Variants in WWC2 observed in about 807,000 individuals in gnomAD.
WWC2 encodes the protein WW and C2 domain containing 2.
Under a neutral mutation model 138.5 loss-of-function variants are expected in WWC2, and 101 were observed. The ratio of observed to expected loss-of-function variants is 0.73; its 90% CI spans 0.62 to 0.86. WWC2 has a LOEUF of 0.86. WWC2 is among the 40% of genes least tolerant of loss of function. The probability of loss-of-function intolerance (pLI) is 0.00; values close to 1 mark genes in which losing one functional copy is unlikely to be tolerated. For synonymous variants in WWC2, 558 were observed against 538.4 expected, an observed-to-expected ratio of 1.04 and a Z score of -0.50; for missense variants, 1,420 against 1,419.4, an observed-to-expected ratio of 1.00 and a Z score of -0.01.
At chr4:183,296,928 C>G (rs549248039) in intron 21 of WWC2, among the ~76,000 whole-genome samples, 1 of 83,026 alleles carries the variant, frequency 1.2e-5, no homozygotes, top group African/African-American at 5.1e-5. Flanking sequence ...AGCGAGACTC[C>G]GTCTCAAAAA....
At chr4:183,101,249 G>T (rs1176291263) in intron 1 of WWC2, among the ~76,000 whole-genome samples, 1 of 152,170 alleles carries the variant, frequency 6.6e-6, no homozygotes, top group East Asian at 1.9e-4. Context: ...TACCGGAAAG[G>T]ATTACAAGAA....
intron 4 of WWC2, among the ~76,000 whole-genome samples, chr4:183,212,656 A>G (rs892471982): frequency 9.2e-5 from 14 of 152,220 alleles, no homozygotes; most frequent in African/African-American, 2.4e-4. Context: ...GTTAATCTGT[A>G]TACTTAGATC....
At chr4:183,135,319 C>T (rs7691665) in intron 1 of WWC2, among the ~76,000 whole-genome samples, 4,560 of 152,068 alleles carry the variant, frequency 0.03, 236 homozygotes, top group African/African-American at 0.11. Flanking sequence ...TTTGTTTCCC[C>T]TGCCTTTTCT....
intron 1 of WWC2, among the ~76,000 whole-genome samples, chr4:183,119,895 A>T (rs1369298897): frequency 1.3e-5 from 2 of 152,096 alleles, no homozygotes; most frequent in Non-Finnish European, 2.9e-5. Context: ...TTAACCCCTG[A>T]GTTCTTTACT....
At chr4:183,131,578 T>G (rs779986753) in intron 1 of WWC2, among the ~76,000 whole-genome samples, 14 of 152,346 alleles carry the variant, frequency 9.2e-5, no homozygotes, top group Middle Eastern at 3.4e-3. Context: ...TCCTTAAGTA[T>G]TTTAGAAGCA....
chr4:183,105,068 C>G (rs1340540245), intron 1 of WWC2, among the ~76,000 whole-genome samples: 3 of 152,058 alleles, frequency 2.0e-5, no homozygotes, highest in African/African-American at 4.8e-5. Flanking sequence ...CACCCTGTAC[C>G]CGGCTAATTT....
intron 15 of WWC2, 168 bp downstream of exon 15, chr4:183,269,331 T>C: frequency 1.3e-6 from 1 of 744,578 alleles, no homozygotes; most frequent in South Asian, 1.5e-5. Flanking sequence ...TGGTTTCTGT[T>C]TATTCTCTTA....
intron 1 of WWC2, among the ~76,000 whole-genome samples, chr4:183,190,618 T>C (rs1482108454): frequency 2.0e-5 from 3 of 152,070 alleles, no homozygotes; most frequent in Non-Finnish European, 2.9e-5. Flanking sequence ...GAAAATAAAG[T>C]ATTAAATTTA....
At chr4:183,227,113 C>CCCACCACCACCA (rs139546437) in intron 4 of WWC2, among the ~76,000 whole-genome samples, 1 of 151,574 alleles carries the variant, frequency 6.6e-6, no homozygotes, top group African/African-American at 2.4e-5. Flanking sequence ...TAGCATACCT[C>CCCACCACCACCA]CCACCACCAC....
intron 14 of WWC2, among the ~76,000 whole-genome samples, chr4:183,267,711 G>A (rs981918017): frequency 2.2e-4 from 34 of 152,318 alleles, no homozygotes; most frequent in African/African-American, 7.7e-4. Context: ...TAGGACCAGT[G>A]AAATACTCAG....
chr4:183,295,795 C>T (rs1738611877), intron 21 of WWC2, among the ~76,000 whole-genome samples: 1 of 150,958 alleles, frequency 6.6e-6, no homozygotes, highest in Non-Finnish European at 1.5e-5. Flanking sequence ...TGCCGAGATC[C>T]CTGACACCCC....
chr4:183,123,233 A>C (rs936143415), intron 1 of WWC2, among the ~76,000 whole-genome samples: 4 of 152,186 alleles, frequency 2.6e-5, no homozygotes, highest in African/African-American at 9.6e-5. Flanking sequence ...AAACCCAAAA[A>C]ATTTTGAACA....
chr4:183,176,139 G>C (rs1734461534), intron 1 of WWC2, among the ~76,000 whole-genome samples: 1 of 152,184 alleles, frequency 6.6e-6, no homozygotes, highest in Non-Finnish European at 1.5e-5. Flanking sequence ...AGGATCTGGT[G>C]CTGTGCCAGA....
intron 1 of WWC2, among the ~76,000 whole-genome samples, chr4:183,136,916 G>A (rs994124565): frequency 2.0e-5 from 3 of 152,132 alleles, no homozygotes; most frequent in African/African-American, 7.2e-5. Flanking sequence ...GCGATATGGT[G>A]GTGCCTATTC....
intron 5 of WWC2, among the ~76,000 whole-genome samples, chr4:183,243,322 ACTAC>A (rs1475033223): frequency 2.0e-5 from 3 of 152,208 alleles, no homozygotes; most frequent in South Asian, 4.1e-4. Context: ...TATCCCTATT[ACTAC>A]CTATTTTATG....
chr4:183,228,983 CTTATA>C (rs1344694357), intron 4 of WWC2, among the ~76,000 whole-genome samples: 7 of 151,996 alleles, frequency 4.6e-5, no homozygotes, highest in African/African-American at 9.7e-5. Context: ...TATGAGTCCA[CTTATA>C]TTAAGTTCAG....
chr4:183,170,948 A>G (rs1329469506), intron 1 of WWC2, among the ~76,000 whole-genome samples: 3 of 151,918 alleles, frequency 2.0e-5, no homozygotes, highest in Non-Finnish European at 2.9e-5. Context: ...CTATTATGAC[A>G]TTTAGAAAAA....
chr4:183,118,779 CATT>C (rs774141579), intron 1 of WWC2, among the ~76,000 whole-genome samples: 27 of 152,154 alleles, frequency 1.8e-4, no homozygotes, highest in Non-Finnish European at 2.9e-4. Context: ...TGAGGAAAGA[CATT>C]ATGGGGCTGC....
At chr4:183,212,109 C>T (rs373881980) in intron 4 of WWC2, among the ~76,000 whole-genome samples, 88 of 152,322 alleles carry the variant, frequency 5.8e-4, no homozygotes, top group African/African-American at 1.9e-3. Flanking sequence ...GTGTAAGCCA[C>T]GGCGCCCGGC....
Sources: gnomAD v4.1 joint callset for allele counts (sites outside exome capture counted in the v4.1 genomes callset) on GRCh38, gnomAD v4.1.1 for gene constraint, MANE v1.5 for transcripts, NCBI Gene and HGNC (gene_info 2026-07-23, HGNC 2026-07-21) for gene names.